NRG1: variants seen among roughly 807,000 people sequenced by gnomAD.
NRG1 encodes the protein pro-neuregulin-1, membrane-bound isoform.
A neutral mutation model predicts 63.8 loss-of-function variants in NRG1; 18 were observed. The observed-to-expected ratio is 0.28, with a 90% CI of 0.19 to 0.42. The LOEUF is 0.42. NRG1 is among the 10% of genes least tolerant of loss of function. NRG1 has a pLI of 1.00. For synonymous variants in NRG1, 302 were observed against 301.3 expected, an observed-to-expected ratio of 1.00 and a Z score of -0.02; for missense variants, 762 against 814.7, an observed-to-expected ratio of 0.94 and a Z score of 0.79.
chr8:32,631,104 A>T (rs1287487752), intron 5 of NRG1, among the ~76,000 whole-genome samples: 1 of 152,166 alleles, frequency 6.6e-6, no homozygotes, highest in African/African-American at 2.4e-5. Flanking sequence ...CATACTGTGC[A>T]CTTTACCTCT....
chr8:32,604,045 A>G lies in NRG1; in HGVS notation c.279-1517A>G, dbSNP rs1394125993. 2.0e-5 allele frequency among the ~76,000 whole-genome samples: 3 copies of G among 152,230 alleles called. No individual in the cohort carries two copies. The East Asian group carries it at 5.8e-4, about 29-fold the overall frequency. ...GTTGACATTATAGCTACACTCTCCA[A>G]AGTATATGTCCTAGGTCAAGAGATG... On this transcript the variant is annotated intron_variant, in intron 2 of 11. Coordinates refer to ENST00000356819, the Ensembl canonical transcript of NRG1.
At chr8:32,189,385 CT>C (rs1390957545) in intron 1 of NRG1, among the ~76,000 whole-genome samples, 2 of 151,988 alleles carry the variant, frequency 1.3e-5, no homozygotes, top group Admixed American at 6.6e-5. Context: ...GTTTTTAAGC[CT>C]TTATGGTAAT....
At chr8:32,596,475 C>T (rs1247904318) in intron 2 of NRG1, among the ~76,000 whole-genome samples, 1 of 151,822 alleles carries the variant, frequency 6.6e-6, no homozygotes, top group African/African-American at 2.4e-5. Flanking sequence ...GTGGTGGGCG[C>T]CTGTAATCCC....
chr8:32,175,651 A>G (rs1455002475), intron 1 of NRG1, among the ~76,000 whole-genome samples: 10 of 152,242 alleles, frequency 6.6e-5, no homozygotes, highest in African/African-American at 1.9e-4. Flanking sequence ...ATACAAAATC[A>G]ATGTACAAAA....
chr8:32,116,324 C>T (rs1832705548), intron 1 of NRG1, among the ~76,000 whole-genome samples: 1 of 152,112 alleles, frequency 6.6e-6, no homozygotes, highest in Non-Finnish European at 1.5e-5. Flanking sequence ...TAAAGCAGTG[C>T]TGAATTAAAA....
At chr8:32,732,053 G>T (rs185840060) in intron 6 of NRG1, among the ~76,000 whole-genome samples, 1 of 152,316 alleles carries the variant, frequency 6.6e-6, no homozygotes, top group African/African-American at 2.4e-5. Context: ...GTTTCGAATG[G>T]ATTAAACATA....
chr8:32,414,916 T>C (rs1439493823), intron 1 of NRG1, among the ~76,000 whole-genome samples: 2 of 152,174 alleles, frequency 1.3e-5, no homozygotes, highest in African/African-American at 2.4e-5. Context: ...AGAAACTCCC[T>C]GGGCTTAGTA....
At chr8:31,691,369 A>G (rs934804766) in intron 1 of NRG1, among the ~76,000 whole-genome samples, 6 of 152,114 alleles carry the variant, frequency 3.9e-5, no homozygotes, top group Non-Finnish European at 8.8e-5. Flanking sequence ...GCACTTTGGG[A>G]GGCTGAGGCG....
intron 1 of NRG1, among the ~76,000 whole-genome samples, chr8:31,649,210 C>A (rs1804603002): frequency 1.3e-5 from 2 of 152,190 alleles, no homozygotes; most frequent in South Asian, 4.1e-4. Flanking sequence ...CTGCCTCGGC[C>A]TCCCAAAATG....
intron 1 of NRG1, among the ~76,000 whole-genome samples, chr8:32,523,534 T>G (rs1374334419): frequency 6.6e-6 from 1 of 152,172 alleles, no homozygotes; most frequent in Non-Finnish European, 1.5e-5. Flanking sequence ...ACCCACAGAA[T>G]CAGAAGCTCT....
chr8:32,617,842 T>G (rs1190434741), intron 5 of NRG1, among the ~76,000 whole-genome samples: 2 of 152,198 alleles, frequency 1.3e-5, no homozygotes, highest in African/African-American at 4.8e-5. Context: ...TGTCAATCTG[T>G]TTAAATAAAT....
At chr8:32,731,147 G>A (rs562171450) in intron 6 of NRG1, among the ~76,000 whole-genome samples, 100 of 152,106 alleles carry the variant, frequency 6.6e-4, no homozygotes, top group African/African-American at 2.3e-3. Flanking sequence ...GCCCTCCCAC[G>A]TCCAATACAA....
chr8:31,678,027 T>C (rs1339529953), intron 1 of NRG1, among the ~76,000 whole-genome samples: 1 of 141,270 alleles, frequency 7.1e-6, no homozygotes, highest in Non-Finnish European at 1.6e-5. Flanking sequence ...CTGCCAATGA[T>C]AAATTAAAAA....
At chr8:32,289,455 G>T (rs1853939458) in intron 1 of NRG1, among the ~76,000 whole-genome samples, 1 of 151,860 alleles carries the variant, frequency 6.6e-6, no homozygotes, top group Non-Finnish European at 1.5e-5. Flanking sequence ...AAACTAGTCA[G>T]AGATTGCTTG....
At chr8:32,114,873 G>A (rs752973250) in intron 1 of NRG1, among the ~76,000 whole-genome samples, 3 of 152,148 alleles carry the variant, frequency 2.0e-5, no homozygotes, top group Non-Finnish European at 2.9e-5. Context: ...CAAGACAAAT[G>A]TCTGTTTCTA....
At chr8:32,397,393 C>T (rs1353175173) in intron 1 of NRG1, among the ~76,000 whole-genome samples, 3 of 151,828 alleles carry the variant, frequency 2.0e-5, no homozygotes, top group African/African-American at 4.8e-5. Flanking sequence ...AAACTTGGTG[C>T]CTTGTACATA....
intron 1 of NRG1, among the ~76,000 whole-genome samples, chr8:31,893,224 T>C (rs1256050741): frequency 6.6e-6 from 1 of 150,834 alleles, no homozygotes; most frequent in East Asian, 1.9e-4. Flanking sequence ...AAATAAAAGA[T>C]ACTGGAGCAA....
intron 1 of NRG1, among the ~76,000 whole-genome samples, chr8:31,924,618 C>CTTTTTTTTTTTTTTCTTTTTTTCTTT (rs142092572): frequency 7.2e-6 from 1 of 139,802 alleles, no homozygotes; most frequent in Non-Finnish European, 1.5e-5. Flanking sequence ...AAATTTGTGC[C>CTTTTTTTTTTTTTTCTTTTTTTCTTT]TTTTTTTTTT....
chr8:31,742,689 T>G (rs1815419270), intron 1 of NRG1, among the ~76,000 whole-genome samples: 1 of 151,804 alleles, frequency 6.6e-6, no homozygotes, highest in East Asian at 1.9e-4. Flanking sequence ...AGAGGAAAAA[T>G]GAGATTACCT....
Sources: allele counts gnomAD v4.1 joint callset (sites outside exome capture counted in the v4.1 genomes callset), GRCh38; gene constraint gnomAD v4.1.1; transcripts MANE v1.5; gene names NCBI Gene and HGNC (gene_info 2026-07-23, HGNC 2026-07-21).